The following TPD52 variants were observed in gnomAD, a reference collection of about 807,000 sequenced individuals.
TPD52 encodes tumor protein D52.
TPD52 carries 17 observed loss-of-function variants against 31.3 expected under a neutral mutation model. That is an observed-to-expected ratio of 0.54 (90% confidence interval 0.37 to 0.82). TPD52 has a LOEUF of 0.82. Ranked by LOEUF, TPD52 falls within the 40% of genes least tolerant of loss-of-function variation. The pLI is 0.00. For synonymous variants in TPD52, 83 were observed against 89.6 expected (o/e 0.93, Z 0.42); for missense variants, 212 against 240.1 (o/e 0.88, Z 0.77).
intron 1 of TPD52, among the ~76,000 whole-genome samples, chr8:80,106,788 A>G (rs1271341906): frequency 6.6e-6 from 1 of 150,904 alleles, no homozygotes; most frequent in Non-Finnish European, 1.5e-5. Context: ...ATCTGTGGCC[A>G]TGAGACCCAA....
chr8:80,132,338 G>C (rs968678475), intron 1 of TPD52, among the ~76,000 whole-genome samples: 1 of 151,994 alleles, frequency 6.6e-6, no homozygotes, highest in Non-Finnish European at 1.5e-5. Flanking sequence ...CACTTCTTGG[G>C]TTTACAATAT....
chr8:80,139,607 T>C (rs976798359), intron 1 of TPD52, among the ~76,000 whole-genome samples: 8 of 137,832 alleles, frequency 5.8e-5, no homozygotes, highest in Non-Finnish European at 1.1e-4. Context: ...AGCACAACCA[T>C]GAAAATAACA....
At chr8:80,107,664 T>A (rs1369277374) in intron 1 of TPD52, among the ~76,000 whole-genome samples, 2 of 152,152 alleles carry the variant, frequency 1.3e-5, no homozygotes, top group Non-Finnish European at 2.9e-5. Context: ...TTAATGGAGA[T>A]CTATTCAAAT....
At chr8:80,031,416 C>A (rs909572226), downstream of TPD52, among the ~76,000 whole-genome samples, 1 of 152,200 alleles carries the variant, frequency 6.6e-6, no homozygotes, top group African/African-American at 2.4e-5. Flanking sequence ...CAGGTGAGTT[C>A]TCCCTCTTGG....
intron 2 of TPD52, among the ~76,000 whole-genome samples, chr8:80,055,959 A>G (rs1369363534): frequency 6.6e-5 from 10 of 152,348 alleles, no homozygotes; most frequent in South Asian, 2.1e-4. Context: ...TAGTACAGCC[A>G]CTATGAAAAA....
intron 1 of TPD52, among the ~76,000 whole-genome samples, chr8:80,084,415 G>T (rs1030688112): frequency 6.6e-6 from 1 of 152,208 alleles, no homozygotes; most frequent in African/African-American, 2.4e-5. Context: ...GTGAGTAATG[G>T]AAGAAAGTGA....
chr8:80,034,981 T>C lies in TPD52; in HGVS notation c.*3135A>G, dbSNP rs563325098. On this transcript the variant is annotated 3_prime_UTR_variant, in exon 8 of 8. Coordinates refer to ENST00000518937, the MANE Select transcript of TPD52 (RefSeq NM_001025253.3). ...AAAAGTGAAAAGCTCTTAGTTCATT[T>C]TGAGTCAGAACAATAAGGAAATTAT... is the stretch of plus-strand genomic sequence containing the variant. The C allele has an allele frequency of 2.0e-5, 3 of 152,192 alleles. No homozygotes were observed. The highest frequency in any genetic ancestry group is 2.9e-5 in the Non-Finnish European group (2 of 68,024). The allele number at this position is 152,192 out of a possible 1,614,324, so 9.4% of individuals were successfully genotyped here.
intron 1 of TPD52, among the ~76,000 whole-genome samples, chr8:80,087,668 G>T (rs1022235939): frequency 6.6e-6 from 1 of 152,148 alleles, no homozygotes; most frequent in African/African-American, 2.4e-5. Context: ...TCTGAGAGCT[G>T]GAAGGGCTCT....
At chr8:80,158,953 A>G (rs1394147344) in intron 1 of TPD52, 1 of 148,220 alleles carries the variant, frequency 6.7e-6, no homozygotes, top group Non-Finnish European at 1.5e-5. Flanking sequence ...CAAAAAAAAA[A>G]AAAAAAAAAA....
At chr8:80,147,283 C>T (rs2131175398) in intron 1 of TPD52, among the ~76,000 whole-genome samples, 1 of 152,216 alleles carries the variant, frequency 6.6e-6, no homozygotes, top group Admixed American at 6.5e-5. Flanking sequence ...AAATGGTTAA[C>T]CATGCATCTC....
intron 1 of TPD52, among the ~76,000 whole-genome samples, chr8:80,129,216 C>T (rs984411751): frequency 6.6e-6 from 1 of 151,936 alleles, no homozygotes; most frequent in African/African-American, 2.4e-5. Flanking sequence ...AACATAAACT[C>T]TTTTTAAAAT....
intron 1 of TPD52, among the ~76,000 whole-genome samples, chr8:80,156,015 G>A (rs1810948417): frequency 6.6e-6 from 1 of 152,104 alleles, no homozygotes; most frequent in Non-Finnish European, 1.5e-5. Flanking sequence ...TGCATAACAA[G>A]CCACCCCAGA....
At chr8:80,034,244 T>C (rs1485592489), downstream of TPD52, among the ~76,000 whole-genome samples, 2 of 152,098 alleles carry the variant, frequency 1.3e-5, no homozygotes, top group Non-Finnish European at 2.9e-5. Flanking sequence ...CAGGCCTGCA[T>C]GGGCAGGGGA....
At chr8:80,075,475 A>G (rs1447591852) in intron 1 of TPD52, among the ~76,000 whole-genome samples, 1 of 152,228 alleles carries the variant, frequency 6.6e-6, no homozygotes, top group Non-Finnish European at 1.5e-5. Flanking sequence ...CACTTCACAG[A>G]AAGAGTGGAC....
chr8:80,056,572 T>C (rs1475530101), intron 2 of TPD52, among the ~76,000 whole-genome samples: 2 of 152,138 alleles, frequency 1.3e-5, no homozygotes, highest in Admixed American at 6.5e-5. Flanking sequence ...TCCCAAGATA[T>C]ACAAATGACC....
At chr8:80,058,896 C>T (rs933000434) in intron 2 of TPD52, among the ~76,000 whole-genome samples, 6 of 152,030 alleles carry the variant, frequency 3.9e-5, no homozygotes, top group East Asian at 3.8e-4. Context: ...AAACTTTGGG[C>T]GAAAAAATGA....
At chr8:80,068,739 G>C (rs945697701) in intron 1 of TPD52, among the ~76,000 whole-genome samples, 1 of 152,152 alleles carries the variant, frequency 6.6e-6, no homozygotes, top group Non-Finnish European at 1.5e-5. Flanking sequence ...AATGCATCTC[G>C]CTGATTCCCA....
chr8:80,081,177 T>C (rs1177535192), intron 1 of TPD52, among the ~76,000 whole-genome samples: 9 of 148,816 alleles, frequency 6.0e-5, no homozygotes, highest in African/African-American at 2.3e-4. Flanking sequence ...TTTTTTTTTT[T>C]TTAGAAAGCT....
downstream of TPD52, among the ~76,000 whole-genome samples, chr8:80,031,307 C>T (rs1395864107): frequency 6.6e-6 from 1 of 152,158 alleles, no homozygotes; most frequent in African/African-American, 2.4e-5. Context: ...GTTAAGAACA[C>T]GAAGTACACT....
Sources: gnomAD v4.1 joint callset for allele counts (sites outside exome capture counted in the v4.1 genomes callset) on GRCh38, gnomAD v4.1.1 for gene constraint, MANE v1.5 for transcripts, NCBI Gene and HGNC (gene_info 2026-07-23, HGNC 2026-07-21) for gene names.